The following ELOVL6 variants were observed in gnomAD, a reference collection of about 807,000 sequenced individuals.
ELOVL6 encodes the protein ELOVL fatty acid elongase 6.
A neutral mutation model predicts 31.7 loss-of-function variants in ELOVL6; 8 were observed. That is an observed-to-expected ratio of 0.25 (90% confidence interval 0.15 to 0.45). The LOEUF is 0.45. Among genes scored for constraint, ELOVL6 ranks in the 20% least tolerant of loss-of-function variants. ELOVL6 has a pLI of 1.00. For missense variants in ELOVL6, 126 were observed against 326.4 expected, an observed-to-expected ratio of 0.39 and a Z score of 4.73; for synonymous variants, 101 against 117.7, an observed-to-expected ratio of 0.86 and a Z score of 0.92.
rs76397582 is a variant in ELOVL6 at position 110,086,801 on chromosome 4, G to C, written c.221+18696C>G. On this transcript the variant is annotated intron_variant, in intron 2 of 3. Coordinates refer to ENST00000302274, the MANE Select transcript of ELOVL6 (RefSeq NM_024090.3). Reference sequence around the variant, plus strand: ...AAAATTGTTTTAAAACACAACATTAGATATAGATTTATAGGTTCTGAAAAT... The same window carrying C: ...AAAATTGTTTTAAAACACAACATTACATATAGATTTATAGGTTCTGAAAAT... Among the ~76,000 whole-genome samples, 431 of 152,250 alleles carry C rather than the reference G, an allele frequency of 2.8e-3. 2 individuals carry two copies. The highest frequency in any genetic ancestry group is 8.9e-3 in the African/African-American group (370 of 41,554).
rs188070904 is a variant in ELOVL6, at chr4:110,067,696, G to A, written c.222-7942C>T. ...GACATAAAAGAACATCAAGATGCAC[G>A]ATTAAGTGAAAAACATAAGGAGCAG... On this transcript the variant is annotated intron_variant, in intron 2 of 3. Coordinates refer to ENST00000302274, the MANE Select transcript of ELOVL6 (RefSeq NM_024090.3). Among the ~76,000 whole-genome samples the A allele has an allele frequency of 3.0e-3, 459 of 152,290 alleles. 8 individuals carry two copies. The highest frequency in any genetic ancestry group is 2.2e-3 in the Non-Finnish European group (152 of 68,026).
At chr4:110,066,537 G>T (rs138141967) in intron 2 of ELOVL6, among the ~76,000 whole-genome samples, 1,633 of 150,858 alleles carry the variant, frequency 0.011, 13 homozygotes, top group Middle Eastern at 0.052. Flanking sequence ...TACTCGGGAG[G>T]CTGAGACAGG....
chr4:110,096,700 G>A (rs1756588778), intron 2 of ELOVL6, among the ~76,000 whole-genome samples: 1 of 152,100 alleles, frequency 6.6e-6, no homozygotes, highest in South Asian at 2.1e-4. Flanking sequence ...GAAGAAGAGT[G>A]TATAAAGGGT....
At chr4:110,141,344 T>G in intron 1 of ELOVL6, among the ~76,000 whole-genome samples, 1 of 152,156 alleles carries the variant, frequency 6.6e-6, no homozygotes, top group South Asian at 2.1e-4. Flanking sequence ...ATTACAGGCA[T>G]AAGCCACCGT....
chr4:110,101,972 T>TC (rs1310874676), intron 2 of ELOVL6, among the ~76,000 whole-genome samples: 1 of 152,170 alleles, frequency 6.6e-6, no homozygotes, highest in Non-Finnish European at 1.5e-5. Flanking sequence ...AAAAATTGAG[T>TC]TTATTTTCTT....
chr4:110,100,898 G>T (rs991365684), intron 2 of ELOVL6, among the ~76,000 whole-genome samples: 1 of 152,156 alleles, frequency 6.6e-6, no homozygotes, highest in Non-Finnish European at 1.5e-5. Flanking sequence ...GACAATAGTT[G>T]AAAATGCATG....
chr4:110,068,386 A>T lies in ELOVL6; in HGVS notation c.222-8632T>A, dbSNP rs140151401. Among the ~76,000 whole-genome samples, 143 of 152,334 alleles carry T rather than the reference A, an allele frequency of 9.4e-4. 1 individual carries two copies. The highest frequency in any genetic ancestry group is 6.0e-3 in the South Asian group (29 of 4,834). Reference sequence around the variant, plus strand: ...AAACAGTAAGTGAGGAAAGTCTTGGAGCACAGAGAAGCTATCTTCGTGGAC... The same window carrying T: ...AAACAGTAAGTGAGGAAAGTCTTGGTGCACAGAGAAGCTATCTTCGTGGAC... On this transcript the variant is annotated intron_variant, in intron 2 of 3. Transcript: ENST00000302274.
intron 1 of ELOVL6, among the ~76,000 whole-genome samples, chr4:110,148,577 C>G (rs1417777851): frequency 2.6e-5 from 4 of 152,008 alleles, no homozygotes; most frequent in Non-Finnish European, 4.4e-5. Context: ...TTTGATAGCA[C>G]AACAGGGTAA....
chr4:110,081,054 C>T lies in ELOVL6; in HGVS notation c.222-21300G>A, dbSNP rs563043995. On this transcript the variant is annotated intron_variant, in intron 2 of 3. Transcript: ENST00000302274. ...TTACAAGGGATGTGAAGGACCTCTTCAAGGAGAACTACAAACCACTGCTCA... is the reference window on the plus strand; with the variant it reads ...TTACAAGGGATGTGAAGGACCTCTTTAAGGAGAACTACAAACCACTGCTCA... 2.6e-5 allele frequency among the ~76,000 whole-genome samples: 4 copies of T among 152,216 alleles called. No homozygotes were observed. The East Asian group carries it at 7.7e-4, about 29-fold the overall frequency.
intron 2 of ELOVL6, among the ~76,000 whole-genome samples, chr4:110,084,008 T>TTTAC (rs1756006404): frequency 1.2e-5 from 1 of 86,558 alleles, no homozygotes; most frequent in East Asian, 2.8e-4. Context: ...ATATGCCATA[T>TTTAC]ATGGTATATA....
chr4:110,121,625 G>A (rs920255437), intron 1 of ELOVL6, among the ~76,000 whole-genome samples: 5 of 152,178 alleles, frequency 3.3e-5, no homozygotes, highest in African/African-American at 4.8e-5. Context: ...CGTGAACCCA[G>A]GAGGCGGAGG....
Position 110,105,632 on chromosome 4 carries a change from C to A in ELOVL6, c.90-4G>T, listed in dbSNP as rs1479112286. 3 of 1,606,520 alleles carry A rather than the reference C, an allele frequency of 1.9e-6. No individual in the cohort carries two copies. The East Asian group carries it at 6.7e-5, about 36-fold the overall frequency. On this transcript the variant is annotated splice_polypyrimidine_tract_variant and splice_region_variant and intron_variant, in intron 1 of 3. Coordinates refer to ENST00000302274, the MANE Select transcript of ELOVL6 (RefSeq NM_024090.3). ...AGAAAACAGGAAAGATTTCTTCCTG[C>A]AAACAAGCAAACAAAATCTTTAAGA...
chr4:110,120,557 A>G (rs1385776997), intron 1 of ELOVL6, among the ~76,000 whole-genome samples: 1 of 152,110 alleles, frequency 6.6e-6, no homozygotes, highest in East Asian at 1.9e-4. Flanking sequence ...TTGGGTCCTG[A>G]CTTCAAACTA....
intron 2 of ELOVL6, among the ~76,000 whole-genome samples, chr4:110,103,450 C>G (rs1407589766): frequency 6.6e-6 from 1 of 151,824 alleles, no homozygotes; most frequent in Non-Finnish European, 1.5e-5. Context: ...TGTTTACATG[C>G]TAACTAACTT....
intron 1 of ELOVL6, among the ~76,000 whole-genome samples, chr4:110,172,502 G>A (rs1007162174): frequency 2.6e-5 from 4 of 152,106 alleles, no homozygotes; most frequent in Non-Finnish European, 5.9e-5. Flanking sequence ...ACTACAGCAA[G>A]TAATGAGAAT....
chr4:110,105,437 G>C, intron 2 of ELOVL6, 60 bp downstream of exon 2: 1 of 1,468,844 alleles, frequency 6.8e-7, no homozygotes, highest in Admixed American at 2.1e-5. Context: ...CTCAATCATT[G>C]CATTCTTTCA....
rs575447362 is a variant in ELOVL6, at chr4:110,186,666, T to C, written c.89+11581A>G. 5.1e-4 allele frequency among the ~76,000 whole-genome samples: 77 copies of C among 151,272 alleles called. 3 individuals are homozygous for C. The South Asian group carries it at 0.015, about 30-fold the overall frequency. ...TAAAAATACAAAAATGAGTCGGGCATGGTGGCACGTGCCTGTAAGTCCAGC... is the reference window on the plus strand; with the variant it reads ...TAAAAATACAAAAATGAGTCGGGCACGGTGGCACGTGCCTGTAAGTCCAGC... On this transcript the variant is annotated intron_variant, in intron 1 of 3. Transcript: ENST00000302274.
intron 2 of ELOVL6, among the ~76,000 whole-genome samples, chr4:110,061,546 T>C (rs944047859): frequency 4.4e-5 from 6 of 136,352 alleles, no homozygotes; most frequent in Admixed American, 3.8e-4. Context: ...CACCAAATGA[T>C]GGCTTTTTTT....
chr4:110,104,147 A>G (rs1471782727), intron 2 of ELOVL6, among the ~76,000 whole-genome samples: 1 of 152,234 alleles, frequency 6.6e-6, no homozygotes, highest in Non-Finnish European at 1.5e-5. Flanking sequence ...CAAAAGATAA[A>G]GGTGCAGGGA....
Sources: gnomAD v4.1 joint callset for allele counts (sites outside exome capture counted in the v4.1 genomes callset) on GRCh38, gnomAD v4.1.1 for gene constraint, MANE v1.5 for transcripts, NCBI Gene and HGNC (gene_info 2026-07-23, HGNC 2026-07-21) for gene names.